CTNNA3: variants seen among roughly 807,000 people sequenced by gnomAD.
CTNNA3 encodes catenin alpha 3.
Under a neutral mutation model 95.7 loss-of-function variants are expected in CTNNA3, and 76 were observed. The observed-to-expected ratio is 0.79, with a 90% CI of 0.66 to 0.96. The LOEUF (loss-of-function observed/expected upper bound fraction) is 0.96. Among genes scored for constraint, CTNNA3 ranks in the 40% least tolerant of loss-of-function variants. The pLI is 0.00. For missense variants in CTNNA3, 1,191 were observed against 1,089.8 expected, an observed-to-expected ratio of 1.09 and a Z score of -1.31; for synonymous variants, 431 against 374.4, an observed-to-expected ratio of 1.15 and a Z score of -1.74.
At chr10:67,514,112 A>C (rs1839730146) in intron 5 of CTNNA3, among the ~76,000 whole-genome samples, 1 of 152,178 alleles carries the variant, frequency 6.6e-6, no homozygotes, top group East Asian at 1.9e-4. Flanking sequence ...CAGCCTGGGC[A>C]ACATGGTGAA....
At chr10:67,122,431 G>A (rs377373826) in intron 7 of CTNNA3, among the ~76,000 whole-genome samples, 7 of 152,062 alleles carry the variant, frequency 4.6e-5, no homozygotes, top group Admixed American at 2.6e-4. Context: ...CCAAATGCAC[G>A]CTGAATACAG....
At chr10:66,273,868 G>T (rs940750271) in intron 13 of CTNNA3, among the ~76,000 whole-genome samples, 4 of 151,892 alleles carry the variant, frequency 2.6e-5, no homozygotes, top group African/African-American at 7.3e-5. Context: ...GTAGAGGAGG[G>T]TGGAGAGTAC....
At chr10:67,720,129 C>CTTTTGTTTTTTTTTTT (rs1841170850) in intron 1 of CTNNA3, among the ~76,000 whole-genome samples, 1 of 6,614 alleles carries the variant, frequency 1.5e-4, no homozygotes, top group Non-Finnish European at 3.6e-4. Flanking sequence ...GCAACCCCTG[C>CTTTTGTTTTTTTTTTT]TTTTTTTTTT....
chr10:66,265,039 C>A (rs964646316), intron 13 of CTNNA3, among the ~76,000 whole-genome samples: 2 of 152,012 alleles, frequency 1.3e-5, no homozygotes, highest in African/African-American at 4.8e-5. Context: ...ACCTTCAATT[C>A]ATTTTGTCCA....
At chr10:67,330,979 A>G (rs1351499427) in intron 5 of CTNNA3, among the ~76,000 whole-genome samples, 2 of 152,236 alleles carry the variant, frequency 1.3e-5, no homozygotes, top group African/African-American at 4.8e-5. Flanking sequence ...CTTTACTTAT[A>G]AATATTATGA....
chr10:67,758,333 C>T lies in CTNNA3; in HGVS notation c.-2+5101G>A, dbSNP rs1027342722. 1.3e-3 allele frequency among the ~76,000 whole-genome samples: 202 copies of T among 150,272 alleles called. 1 individual carries two copies. The highest frequency in any genetic ancestry group is 4.3e-3 in the African/African-American group (174 of 40,828). ...ATATATAAATATATATACACACACA[C>T]ACACACACACACACACACACACATA... On this transcript the variant is annotated intron_variant, in intron 1 of 17. Transcript: ENST00000684154.
At chr10:66,774,903 A>G (rs927396916) in intron 8 of CTNNA3, among the ~76,000 whole-genome samples, 1 of 152,232 alleles carries the variant, frequency 6.6e-6, no homozygotes, top group Admixed American at 6.5e-5. Flanking sequence ...AAGGTTAAAA[A>G]GAAGGCTTAA....
At chr10:67,415,756 G>C (rs531574824) in intron 5 of CTNNA3, among the ~76,000 whole-genome samples, 1 of 152,196 alleles carries the variant, frequency 6.6e-6, no homozygotes, top group Admixed American at 6.5e-5. Flanking sequence ...GTACTACAAG[G>C]ATATGGTAAT....
chr10:66,428,858 G>C (rs1287214319), intron 11 of CTNNA3, among the ~76,000 whole-genome samples: 12 of 151,826 alleles, frequency 7.9e-5, no homozygotes, highest in South Asian at 4.2e-4. Flanking sequence ...AAAAGCAAGA[G>C]CAAACACATT....
intron 5 of CTNNA3, among the ~76,000 whole-genome samples, chr10:67,396,178 T>TGTTGTTATGTTATGTAAACA (rs1300501159): frequency 1.3e-5 from 2 of 152,048 alleles, no homozygotes; most frequent in African/African-American, 2.4e-5. Flanking sequence ...ACATCAATTA[T>TGTTGTTATGTTATGTAAACA]TCAGAAAGGA....
rs1301744357 is a variant in CTNNA3 at position 66,685,323 on chromosome 10, GTGTATATA to G, written c.1282-63547_1282-63540del. Among the ~76,000 whole-genome samples the G allele has an allele frequency of 1.4e-3, 48 of 34,866 alleles. 1 individual carries two copies. The highest frequency in any genetic ancestry group is 7.9e-3 in the East Asian group (13 of 1,640). 22.9% of individuals were successfully genotyped at this position (34,866 alleles called of 152,430 possible). A position where few individuals can be genotyped will look rare whatever the true frequency, so the allele number is the denominator to read the frequency against. ...TGTATATATATGTGTGTGTGTATGT[GTGTATATA>G]TATATATATATATATATATATTTTT... On this transcript the variant is annotated intron_variant, in intron 9 of 17. Transcript: ENST00000433211.
rs557350708 is a variant in CTNNA3, at chr10:66,060,259, A to C, written c.2159+9049T>G. On this transcript the variant is annotated intron_variant, in intron 15 of 17. Transcript: ENST00000433211. ...ACAGAATTTACCTAAGAGGGAGAGC[A>C]AAAAACGGGGCCATAATTTATGAAA... Among the ~76,000 whole-genome samples, 6 of 152,142 alleles carry C rather than the reference A, an allele frequency of 3.9e-5. No individual in the cohort carries two copies. In the South Asian group the frequency reaches 1.2e-3, roughly 32 times the overall value.
At chr10:67,648,809 C>T (rs1195929508) in intron 1 of CTNNA3, 3 of 1,288,138 alleles carry the variant, frequency 2.3e-6, no homozygotes, top group Middle Eastern at 2.1e-4. Context: ...CTTTTCTCAG[C>T]GATTCAGCTG....
intron 1 of CTNNA3, among the ~76,000 whole-genome samples, chr10:67,734,333 G>C (rs370803224): frequency 6.6e-6 from 1 of 152,120 alleles, no homozygotes; most frequent in South Asian, 2.1e-4. Flanking sequence ...CTGGAGTTCA[G>C]AGTTGAAGAA....
At chr10:65,940,581 T>A (rs1377044630) in intron 17 of CTNNA3, among the ~76,000 whole-genome samples, 1 of 152,216 alleles carries the variant, frequency 6.6e-6, no homozygotes, top group East Asian at 1.9e-4. Flanking sequence ...TCAGAAAGTA[T>A]GTGAGTTCAT....
At chr10:67,254,343 A>T (rs2132368792) in intron 5 of CTNNA3, among the ~76,000 whole-genome samples, 1 of 152,288 alleles carries the variant, frequency 6.6e-6, no homozygotes, top group East Asian at 1.9e-4. Flanking sequence ...ATAAAAACTA[A>T]CATGTATCAA....
intron 9 of CTNNA3, among the ~76,000 whole-genome samples, chr10:66,720,887 T>C (rs1848607436): frequency 6.6e-6 from 1 of 152,172 alleles, no homozygotes; most frequent in South Asian, 2.1e-4. Context: ...CAGTAGCCTC[T>C]GAGGCCCCAA....
At chr10:66,157,495 A>ATATG (rs1463406020) in intron 13 of CTNNA3, among the ~76,000 whole-genome samples, 28 of 2,704 alleles carry the variant, frequency 0.01, no homozygotes, top group African/African-American at 0.028. Context: ...AGATATGTAG[A>ATATG]TAGATAGATA....
chr10:67,164,863 AAT>A (rs1861692240), intron 7 of CTNNA3, among the ~76,000 whole-genome samples: 1 of 152,160 alleles, frequency 6.6e-6, no homozygotes, highest in African/African-American at 2.4e-5. Flanking sequence ...TAAAATAAAA[AAT>A]AGTGAAAATA....
Sources: gnomAD v4.1 joint callset for allele counts (sites outside exome capture counted in the v4.1 genomes callset) on GRCh38, gnomAD v4.1.1 for gene constraint, MANE v1.5 for transcripts, NCBI Gene and HGNC (gene_info 2026-07-23, HGNC 2026-07-21) for gene names.